Variants in GSTP1 observed in about 807,000 individuals in gnomAD.
The protein encoded by GSTP1 is glutathione S-transferase P.
GSTP1 carries 28 observed loss-of-function variants against 29.4 expected under a neutral mutation model. The observed-to-expected ratio is 0.95, with a 90% CI of 0.71 to 1.30. The LOEUF is 1.30. GSTP1 is among the 50% of genes most tolerant of loss of function. The probability of loss-of-function intolerance (pLI) is 0.00; values close to 1 mark genes in which losing one functional copy is unlikely to be tolerated. For missense variants in GSTP1, 267 were observed against 266.1 expected (o/e 1.00, Z -0.02); for synonymous variants, 122 against 117.0 (o/e 1.04, Z -0.28).
chr11:67,586,212 G>A lies in GSTP1; in HGVS notation c.444+1G>A, dbSNP rs879180925. 2.5e-6 allele frequency: 4 copies of A among 1,602,370 alleles called. No homozygotes were observed. The highest frequency in any genetic ancestry group is 3.4e-6 in the Non-Finnish European group (4 of 1,169,558). ...CAAGACCTTCATTGTGGGAGACCAG[G>A]TGAGCATCTGGCCCCATGCTGTTCC... is the stretch of plus-strand genomic sequence containing the variant. On this transcript the variant is annotated splice_donor_variant, in intron 6 of 6. Transcript: ENST00000398606. LOFTEE classifies it high-confidence loss of function.
Position 67,585,223 on chromosome 11 carries a change from C to T in GSTP1, c.318C>T (p.Ser106=), listed in dbSNP as rs1280919968. 6.2e-7 allele frequency: 1 copy of T among 1,606,192 alleles called. No individual in the cohort carries two copies. The highest frequency in any genetic ancestry group is 8.5e-7 in the Non-Finnish European group (1 of 1,172,864). ...GVEDLRCKYI[S]LIYTNYEAGK... ...AGGACCTCCGCTGCAAATACATCTCCCTCATCTACACCAACTATGTGAGCA... is the reference window on the plus strand; with the variant it reads ...AGGACCTCCGCTGCAAATACATCTCTCTCATCTACACCAACTATGTGAGCA... The change falls in exon 5 of 7, where the codon TCC becomes TCT. Residue 106 remains serine, a synonymous_variant. Transcript: ENST00000398606.
chr11:67,584,390 C>A, intron 2 of GSTP1, 74 bp from the exon 3 acceptor site: 1 of 827,816 alleles, frequency 1.2e-6, no homozygotes, highest in Non-Finnish European at 1.9e-6. Context: ...TCCCTGCACT[C>A]CTGACCCCTC....
intron 6 of GSTP1, 71 bp from the exon 7 acceptor site, chr11:67,586,318 C>T: frequency 6.5e-7 from 1 of 1,539,638 alleles, no homozygotes; most frequent in Admixed American, 1.7e-5. Context: ...AGGGGATGGG[C>T]TTAGGCCCTC....
In GSTP1 at chr11:67,583,826, G is replaced by T; in HGVS notation, c.-18G>T. On this transcript the variant is annotated 5_prime_UTR_variant, in exon 1 of 7. Coordinates refer to ENST00000398606, the MANE Select transcript of GSTP1 (RefSeq NM_000852.4). Reference sequence around the variant, plus strand: ...GCGAGGCCTTCGCTGGAGTTTCGCCGCCGCAGTCTTCGCCACCAGTGAGTA... The same window carrying T: ...GCGAGGCCTTCGCTGGAGTTTCGCCTCCGCAGTCTTCGCCACCAGTGAGTA... The T allele has an allele frequency of 1.3e-6, 1 of 743,292 alleles. No homozygotes were observed. Among genetic ancestry groups the T allele is most frequent in the Non-Finnish European group, 2.5e-6 (1 of 403,776 alleles). The allele number at this position is 743,292 out of a possible 1,614,324, so 46.0% of individuals were successfully genotyped here. A position where few individuals can be genotyped will look rare whatever the true frequency, so the allele number is the denominator to read the frequency against.
At chr11:67,584,438 C>T in intron 2 of GSTP1, 26 bp from the exon 3 acceptor site, 1 of 1,333,250 alleles carries the variant, frequency 7.5e-7, no homozygotes, top group Non-Finnish European at 1.0e-6. Context: ...CCGGTCCCCA[C>T]ATCTCGTACT....
chr11:67,586,446 CCTGGCTGCCTGGATGCGTTCCCCCTG>C lies in GSTP1; in HGVS notation c.505_530del (p.Gly169LeufsTer21). The C allele has an allele frequency of 1.9e-6, 3 of 1,614,218 alleles. No individual in the cohort carries two copies. The South Asian group carries it at 3.3e-5, about 18-fold the overall frequency. Reference sequence around the variant, plus strand: ...GCTGCTGATCCATGAGGTCCTAGCCCCTGGCTGCCTGGATGCGTTCCCCCTGCTCTCAGCATATGTGGGGCGCCTCA... The same window carrying C: ...GCTGCTGATCCATGAGGTCCTAGCCCCTCTCAGCATATGTGGGGCGCCTCA... On this transcript the variant is annotated frameshift_variant, in exon 7 of 7. Coordinates refer to ENST00000398606, the MANE Select transcript of GSTP1 (RefSeq NM_000852.4). LOFTEE classifies it high-confidence loss of function.
chr11:67,584,668 C>T lies in GSTP1; in HGVS notation c.145-17C>T. ...CCAAGCTCAGTGCCCCTCCCTGAGC[C>T]ATGCCTCCCCCAACAGCTATACGGG... On this transcript the variant is annotated splice_polypyrimidine_tract_variant and intron_variant, in intron 3 of 6. Coordinates refer to ENST00000398606, the MANE Select transcript of GSTP1 (RefSeq NM_000852.4). The T allele has an allele frequency of 6.2e-7, 1 of 1,606,892 alleles. No homozygotes were observed. The highest frequency in any genetic ancestry group is 8.5e-7 in the Non-Finnish European group (1 of 1,173,606).
chr11:67,584,485 T>G lies in GSTP1; in HGVS notation c.59T>G (p.Met20Arg). The G allele has an allele frequency of 6.4e-7, 1 of 1,552,952 alleles. No individual in the cohort carries two copies. Among genetic ancestry groups the G allele is most frequent in the Admixed American group, 2.0e-5 (1 of 50,342 alleles). The change falls in exon 3 of 7, where the codon ATG becomes AGG. Residue 20 changes from methionine (M) to arginine (R), a missense_variant. By Grantham distance (91) the Met-to-Arg change is moderately conservative. Transcript: ENST00000398606. ...GCAGGCCGCTGCGCGGCCCTGCGCA[T>G]GCTGCTGGCAGATCAGGGCCAGAGC... ...PVRGRCAALR[M>R]LLADQGQSWK...
intron 2 of GSTP1, 90 bp from the exon 3 acceptor site, chr11:67,584,374 G>C (rs1867429138): frequency 1.3e-6 from 1 of 755,582 alleles, no homozygotes; most frequent in African/African-American, 1.8e-5. Context: ...CTGTTTCCCT[G>C]TTCCCTCCCT....
chr11:67,586,624 C>T lies in GSTP1; in HGVS notation c.*47C>T. On this transcript the variant is annotated 3_prime_UTR_variant, in exon 7 of 7. Transcript: ENST00000398606. ...GGAGGCAGAGTTTGCCTTCCTTTCTCCAGGACCAATAAAATTTCTAAGAGA... is the reference window on the plus strand; with the variant it reads ...GGAGGCAGAGTTTGCCTTCCTTTCTTCAGGACCAATAAAATTTCTAAGAGA... 1.3e-6 allele frequency: 2 copies of T among 1,495,242 alleles called. No homozygotes were observed. Among genetic ancestry groups the T allele is most frequent in the East Asian group, 2.3e-5 (1 of 43,744 alleles). 92.6% of individuals were successfully genotyped at this position (1,495,242 alleles called of 1,614,324 possible).
At position 67,585,154 on chromosome 11, in the gene GSTP1, C is replaced by G. The variant is rs2134394183; in HGVS notation, c.249C>G (p.Asp83Glu). Residue 83 changes from aspartate (D) to glutamate (E), a missense_variant, in exon 5 of 7, where the codon GAC becomes GAG. Coordinates refer to ENST00000398606, the MANE Select transcript of GSTP1 (RefSeq NM_000852.4). ...CAACCCCAGGGCTCTATGGGAAGGA[C>G]CAGCAGGAGGCAGCCCTGGTGGACA... ...LGRTLGLYGK[D>E]QQEAALVDMV... 2 of 1,612,728 alleles carry G rather than the reference C, an allele frequency of 1.2e-6. No individual in the cohort carries two copies. Among genetic ancestry groups the G allele is most frequent in the Non-Finnish European group, 8.5e-7 (1 of 1,178,834 alleles).
chr11:67,584,568 T>C lies in GSTP1; in HGVS notation c.142T>C (p.Cys48Arg). ...TWQEGSLKAS[C>R]LYGQLPKFQD... ...GCAGGAGGGCTCACTCAAAGCCTCC[T>C]GCGTAAGTGACCATGCCCGGGCAAG... Residue 48 changes from cysteine to arginine, a missense_variant and splice_region_variant, in exon 3 of 7, where the codon TGC becomes CGC. By Grantham distance (180) the Cys-to-Arg change is radical (BLOSUM62 -3). Transcript: ENST00000398606. 1.9e-6 allele frequency: 3 copies of C among 1,599,468 alleles called. No individual in the cohort carries two copies. Among genetic ancestry groups the C allele is most frequent in the Non-Finnish European group, 2.6e-6 (3 of 1,168,840 alleles).
At chr11:67,584,301 T>C (rs1867427840) in intron 2 of GSTP1, 132 bp downstream of exon 2, 8 of 758,146 alleles carry the variant, frequency 1.1e-5, no homozygotes, top group Non-Finnish European at 1.7e-5. Context: ...CTCCTTCCTG[T>C]TCCCCGCCTC....
chr11:67,585,239 T>C lies in GSTP1; in HGVS notation c.334T>C (p.Tyr112His), dbSNP rs770460061. The C allele has an allele frequency of 6.3e-7, 1 of 1,584,502 alleles. No homozygotes were observed. Among genetic ancestry groups the C allele is most frequent in the South Asian group, 1.1e-5 (1 of 90,484 alleles). The change falls in exon 5 of 7, where the codon TAT (tyrosine) becomes CAT (histidine). Residue 112 changes from tyrosine (Y) to histidine (H), a missense_variant and splice_region_variant. Coordinates refer to ENST00000398606, the MANE Select transcript of GSTP1 (RefSeq NM_000852.4). ...CKYISLIYTN[Y>H]EAGKDDYVKA... is the part of the protein sequence containing the mutation. The stretch of plus-strand genomic sequence containing the variant: ...ATACATCTCCCTCATCTACACCAAC[T>C]ATGTGAGCATCTGCACCAGGGTTGG...
At chr11:67,585,958 T>C (rs1045482033) in intron 5 of GSTP1, 146 bp from the exon 6 acceptor site, 5 of 623,838 alleles carry the variant, frequency 8.0e-6, no homozygotes, top group Non-Finnish European at 1.5e-5. Context: ...AGTTGGCAGC[T>C]GAAGTGGACA....
intron 5 of GSTP1, among the ~76,000 whole-genome samples, chr11:67,585,673 G>A (rs1453070175): frequency 6.7e-6 from 1 of 148,264 alleles, no homozygotes; most frequent in African/African-American, 2.6e-5. Context: ...GTGCGCGTGC[G>A]TGTGCATGTG....
At chr11:67,584,249 C>G (rs1389182610) in intron 2 of GSTP1, 80 bp downstream of exon 2, 26 of 1,145,232 alleles carry the variant, frequency 2.3e-5, no homozygotes, top group Non-Finnish European at 3.4e-5. Flanking sequence ...CGGAGAGATC[C>G]GAACCCCCTT....
At chr11:67,583,873 G>T (rs771880856) in intron 1 of GSTP1, 29 bp downstream of exon 1, 2 of 738,780 alleles carry the variant, frequency 2.7e-6, no homozygotes, top group Non-Finnish European at 5.0e-6. Context: ...CGTCCCCGGG[G>T]ATGGGGCTCA....
chr11:67,586,237 C>T (rs763099607), intron 6 of GSTP1, 26 bp downstream of exon 6: 11 of 1,567,808 alleles, frequency 7.0e-6, no homozygotes, highest in Middle Eastern at 1.7e-4. Flanking sequence ...CATGCTGTTC[C>T]TTCCTCGCCA....
Sources: gnomAD v4.1 joint callset for allele counts (sites outside exome capture counted in the v4.1 genomes callset) on GRCh38, gnomAD v4.1.1 for gene constraint, MANE v1.5 for transcripts, NCBI Gene and HGNC (gene_info 2026-07-23, HGNC 2026-07-21) for gene names.